The following CAMTA1 variants were observed in gnomAD, a reference collection of about 807,000 sequenced individuals.
CAMTA1 encodes calmodulin-binding transcription activator 1.
A neutral mutation model predicts 170.9 loss-of-function variants in CAMTA1; 27 were observed. The ratio of observed to expected loss-of-function variants is 0.16; its 90% CI spans 0.12 to 0.22. The LOEUF (loss-of-function observed/expected upper bound fraction) is 0.22. Ranked by LOEUF, CAMTA1 falls within the 10% of genes least tolerant of loss-of-function variation. CAMTA1 has a pLI of 1.00. For missense variants in CAMTA1, 1,619 were observed against 2,217.2 expected, an observed-to-expected ratio of 0.73 and a Z score of 5.42; for synonymous variants, 833 against 891.5, an observed-to-expected ratio of 0.93 and a Z score of 1.17.
chr1:7,611,373 G>T (rs2095522830), intron 6 of CAMTA1, among the ~76,000 whole-genome samples: 1 of 152,210 alleles, frequency 6.6e-6, no homozygotes, highest in African/African-American at 2.4e-5. Flanking sequence ...CAAGACAAGT[G>T]CCTCCCTTGC....
chr1:7,454,111 C>T (rs1171773613), intron 5 of CAMTA1, among the ~76,000 whole-genome samples: 1 of 152,238 alleles, frequency 6.6e-6, no homozygotes, highest in Non-Finnish European at 1.5e-5. Flanking sequence ...GTCCCCCTTT[C>T]TGTTTGCACT....
In CAMTA1 at chr1:7,738,762, C is replaced by T. The variant is rs1431715669; in HGVS notation, c.4182+280C>T. ...AGAACTCACTGAGGACCCTACAGTA[C>T]GTCATCTGCTTCCTCCTTGCATTTA... On this transcript the variant is annotated intron_variant, in intron 16 of 22. Coordinates refer to ENST00000303635, the MANE Select transcript of CAMTA1 (RefSeq NM_015215.4). The surrounding 1 kb of genome is among the most constrained non-coding windows in gnomAD (Gnocchi z 4.9). Among the ~76,000 whole-genome samples, 3 of 152,132 alleles carry T rather than the reference C, an allele frequency of 2.0e-5. No individual in the cohort carries two copies. Among genetic ancestry groups the T allele is most frequent in the African/African-American group, 4.8e-5 (2 of 41,414 alleles).
At chr1:7,696,495 G>GT (rs368573981) in intron 11 of CAMTA1, among the ~76,000 whole-genome samples, 95,546 of 147,258 alleles carry the variant, frequency 0.65, 30,951 homozygotes, top group South Asian at 0.82. Flanking sequence ...TGCCCAGCCA[G>GT]TTTTTTTTTT....
At chr1:7,481,961 C>T (rs1449003920) in intron 6 of CAMTA1, among the ~76,000 whole-genome samples, 1 of 152,132 alleles carries the variant, frequency 6.6e-6, no homozygotes, top group Non-Finnish European at 1.5e-5. Context: ...CAGAAAGTAC[C>T]CATGTGTCCC....
At chr1:7,471,920 T>C (rs2093339230) in intron 6 of CAMTA1, among the ~76,000 whole-genome samples, 1 of 152,238 alleles carries the variant, frequency 6.6e-6, no homozygotes, top group African/African-American at 2.4e-5. Context: ...CAGGCCCCCA[T>C]TCCAGGCCAG....
intron 3 of CAMTA1, among the ~76,000 whole-genome samples, chr1:6,838,997 T>C (rs543945980): frequency 6.6e-6 from 1 of 152,102 alleles, no homozygotes; most frequent in Admixed American, 6.5e-5. Flanking sequence ...CCTCAAATGA[T>C]CCTCTTGCCT....
intron 6 of CAMTA1, among the ~76,000 whole-genome samples, chr1:7,509,847 C>A (rs1193177): frequency 0.72 from 108,692 of 151,630 alleles, 39,246 homozygotes; most frequent in Middle Eastern, 0.77. Context: ...GCCAGCCAGG[C>A]GAGCTATGTG....
At chr1:7,629,925 C>T (rs1311937188) in intron 6 of CAMTA1, among the ~76,000 whole-genome samples, 3 of 151,540 alleles carry the variant, frequency 2.0e-5, no homozygotes, top group Non-Finnish European at 4.4e-5. Flanking sequence ...ATTTGCTTTA[C>T]TCATCCTGAG....
chr1:6,930,358 A>G (rs1036616441), intron 3 of CAMTA1, among the ~76,000 whole-genome samples: 2 of 152,182 alleles, frequency 1.3e-5, no homozygotes, highest in African/African-American at 4.8e-5. Flanking sequence ...GACTTTGAGT[A>G]TGTGGCAGAA....
At chr1:7,392,269 T>G (rs919861225) in intron 5 of CAMTA1, among the ~76,000 whole-genome samples, 12 of 151,096 alleles carry the variant, frequency 7.9e-5, no homozygotes, top group African/African-American at 2.7e-4. Flanking sequence ...TTTTTTTTTT[T>G]TTTTTGAGTC....
intron 5 of CAMTA1, among the ~76,000 whole-genome samples, chr1:7,357,587 G>A (rs1170003185): frequency 2.0e-5 from 3 of 152,200 alleles, no homozygotes; most frequent in Non-Finnish European, 4.4e-5. Context: ...CTTGGAGGAA[G>A]GGTTTGAGCT....
Position 7,559,079 on chromosome 1 carries a change from A to G in CAMTA1, c.511-81321A>G, listed in dbSNP as rs137970865. On this transcript the variant is annotated intron_variant, in intron 6 of 22. Coordinates refer to ENST00000303635, the MANE Select transcript of CAMTA1 (RefSeq NM_015215.4). ...AGGAGCCACCAGGAGAGAAAGGCCA[A>G]GGCTCCCCCACATGGCAGCCGCTCA... 2.5e-3 allele frequency among the ~76,000 whole-genome samples: 375 copies of G among 152,286 alleles called. 4 individuals carry two copies. The Middle Eastern group carries it at 0.041, about 17-fold the overall frequency.
In CAMTA1 at chr1:7,069,199, G is replaced by A. The variant is rs551260843; in HGVS notation, c.235-22105G>A. On this transcript the variant is annotated intron_variant, in intron 3 of 22. Coordinates refer to ENST00000303635, the MANE Select transcript of CAMTA1 (RefSeq NM_015215.4). Reference sequence around the variant, plus strand: ...TGTCATCCTTCACCACGAAGAGGCCGTTGTCATTTAGTGAGTACCTACTGC... The same window carrying A: ...TGTCATCCTTCACCACGAAGAGGCCATTGTCATTTAGTGAGTACCTACTGC... Among the ~76,000 whole-genome samples, 8 of 152,202 alleles carry A rather than the reference G, an allele frequency of 5.3e-5. No homozygotes were observed. In the East Asian group the frequency reaches 5.8e-4, roughly 11 times the overall value.
rs956383772 is a variant in CAMTA1, at chr1:7,079,652, T to A, written c.235-11652T>A. Among the ~76,000 whole-genome samples, 16 of 151,282 alleles carry A rather than the reference T, an allele frequency of 1.1e-4. 1 individual carries two copies. Among genetic ancestry groups the A allele is most frequent in the Admixed American group, 5.3e-4 (8 of 15,186 alleles). ...ACGCCTGGCTAATTTTTTTTTTTTT[T>A]AAGTAGAAATGGGTTTCACCATGTT... is the stretch of plus-strand genomic sequence containing the variant. On this transcript the variant is annotated intron_variant, in intron 3 of 22. Coordinates refer to ENST00000303635, the MANE Select transcript of CAMTA1 (RefSeq NM_015215.4).
At chr1:6,859,792 A>G (rs182302742) in intron 3 of CAMTA1, among the ~76,000 whole-genome samples, 2 of 152,338 alleles carry the variant, frequency 1.3e-5, no homozygotes, top group African/African-American at 2.4e-5. Context: ...GTGTCTCAAA[A>G]AAAAGAAAAG....
Position 7,643,349 on chromosome 1 carries a change from G to T in CAMTA1, c.664+2796G>T, listed in dbSNP as rs376103594. Among the ~76,000 whole-genome samples, 6 of 152,384 alleles carry T rather than the reference G, an allele frequency of 3.9e-5. No individual in the cohort carries two copies. In the East Asian group the frequency reaches 7.7e-4, roughly 20 times the overall value. ...CTGGGCCCCAGCAAAAGTTCCAAGA[G>T]ATTGTGTGAGCCAGAGATTAGCCAA... On this transcript the variant is annotated intron_variant, in intron 7 of 22. Coordinates refer to ENST00000303635, the MANE Select transcript of CAMTA1 (RefSeq NM_015215.4).
At chr1:6,940,925 A>AGGGAAAGGGGATCCTCAGG in intron 3 of CAMTA1, among the ~76,000 whole-genome samples, 1 of 2,926 alleles carries the variant, frequency 3.4e-4, no homozygotes, top group East Asian at 0.013. Context: ...GGATCCTCAC[A>AGGGAAAGGGGATCCTCAGG]GGGAAAGGGG....
rs745744631 is a variant in CAMTA1, at chr1:7,231,327, A to ATGTGTGTG, written c.303-18147_303-18140dup. ...CCAGCATTCATCACATACTGGCTTA[A>ATGTGTGTG]TGTGTGTGTGTGTGTGTGTGTGTGA... On this transcript the variant is annotated intron_variant, in intron 4 of 22. Coordinates refer to ENST00000303635, the MANE Select transcript of CAMTA1 (RefSeq NM_015215.4). Among the ~76,000 whole-genome samples the ATGTGTGTG allele has an allele frequency of 6.1e-3, 861 of 141,924 alleles. 6 individuals are homozygous for ATGTGTGTG. The highest frequency in any genetic ancestry group is 0.012 in the African/African-American group (470 of 37,722). 93.1% of individuals were successfully genotyped at this position (141,924 alleles called of 152,430 possible). A position where few individuals can be genotyped will look rare whatever the true frequency, so the allele number is the denominator to read the frequency against.
intron 4 of CAMTA1, among the ~76,000 whole-genome samples, chr1:7,214,670 G>T (rs987898292): frequency 6.6e-6 from 1 of 152,046 alleles, no homozygotes; most frequent in South Asian, 2.1e-4. Context: ...CCGGCCCAAA[G>T]ATTTTAATTT....
Sources: gnomAD v4.1 joint callset for allele counts (sites outside exome capture counted in the v4.1 genomes callset) on GRCh38, gnomAD v4.1.1 for gene constraint, Gnocchi (gnomAD v3.1) non-coding constraint, MANE v1.5 for transcripts, NCBI Gene and HGNC (gene_info 2026-07-23, HGNC 2026-07-21) for gene names.